EYS: variants seen among roughly 807,000 people sequenced by gnomAD.
EYS encodes the protein protein eyes shut homolog.
EYS carries 250 observed loss-of-function variants against 282.1 expected under a neutral mutation model. That is an observed-to-expected ratio of 0.89 (90% confidence interval 0.80 to 0.98). The LOEUF is 0.98. EYS is among the 50% of genes least tolerant of loss of function. The pLI is 0.00. For missense variants in EYS, 4,016 were observed against 3,709.0 expected (o/e 1.08, Z -2.15); for synonymous variants, 1,355 against 1,282.9 (o/e 1.06, Z -1.20).
chr6:65,318,967 AT>A (rs1769392992), intron 11 of EYS, among the ~76,000 whole-genome samples: 1 of 150,788 alleles, frequency 6.6e-6, no homozygotes, highest in East Asian at 1.9e-4. Context: ...TGTGAATTCT[AT>A]TTTTTTCTGA....
intron 36 of EYS, among the ~76,000 whole-genome samples, chr6:63,859,962 A>C (rs1772493784): frequency 6.6e-6 from 1 of 152,238 alleles, no homozygotes; most frequent in Admixed American, 6.5e-5. Context: ...CTGATGAAAT[A>C]AAACTAGCTG....
At chr6:64,347,938 GAAGATACACATTTTTGTATTAAAGATA>G (rs1215884141) in intron 29 of EYS, among the ~76,000 whole-genome samples, 1 of 151,206 alleles carries the variant, frequency 6.6e-6, no homozygotes, top group Non-Finnish European at 1.5e-5. Context: ...ACTCACTGAT[GAAGATACACATTTTTGTATTAAAGATA>G]AAGATACACA....
intron 33 of EYS, among the ~76,000 whole-genome samples, chr6:64,029,264 C>T (rs1215715426): frequency 6.6e-6 from 1 of 152,174 alleles, no homozygotes; most frequent in Non-Finnish European, 1.5e-5. Flanking sequence ...GTGGGACAAC[C>T]CCACAGCCAG....
chr6:64,335,945 C>T (rs1474778871), intron 29 of EYS, among the ~76,000 whole-genome samples: 1 of 152,036 alleles, frequency 6.6e-6, no homozygotes, highest in East Asian at 1.9e-4. Flanking sequence ...TTCATCACTA[C>T]CAAGCCACCA....
intron 12 of EYS, among the ~76,000 whole-genome samples, chr6:65,073,869 G>A (rs549426637): frequency 3.3e-5 from 5 of 151,924 alleles, no homozygotes; most frequent in African/African-American, 7.2e-5. Context: ...TTAAAAATGC[G>A]CACAACTAAA....
intron 31 of EYS, among the ~76,000 whole-genome samples, chr6:64,145,330 A>G (rs1774475672): frequency 6.6e-6 from 1 of 152,202 alleles, no homozygotes; most frequent in Admixed American, 6.5e-5. Context: ...AATGCATGGA[A>G]AGAAATGACT....
At chr6:64,535,191 C>G (rs748051014) in intron 26 of EYS, among the ~76,000 whole-genome samples, 2 of 152,112 alleles carry the variant, frequency 1.3e-5, no homozygotes, top group Non-Finnish European at 2.9e-5. Context: ...TGGGAATGTT[C>G]TTTGACCGAT....
At chr6:64,173,835 G>T (rs1764550844) in intron 31 of EYS, among the ~76,000 whole-genome samples, 2 of 151,776 alleles carry the variant, frequency 1.3e-5, no homozygotes, top group South Asian at 2.1e-4. Flanking sequence ...AACTACAATA[G>T]AATTTAAAAA....
At chr6:65,384,550 A>C in intron 7 of EYS, 50 bp from the exon 8 acceptor site, 1 of 915,214 alleles carries the variant, frequency 1.1e-6, no homozygotes, top group African/African-American at 1.7e-5. Context: ...AAATGTTTTC[A>C]GAAAAGCCTA....
chr6:64,044,906 T>A (rs57781772), intron 33 of EYS, among the ~76,000 whole-genome samples: 5,966 of 152,204 alleles, frequency 0.039, 370 homozygotes, highest in African/African-American at 0.13. Context: ...CTGAAAAATA[T>A]GAAATGCAGT....
chr6:65,507,608 G>A (rs1339443715), intron 2 of EYS, among the ~76,000 whole-genome samples: 1 of 151,888 alleles, frequency 6.6e-6, no homozygotes, highest in Non-Finnish European at 1.5e-5. Flanking sequence ...TAGATACTCT[G>A]CTGTGATTTT....
At chr6:64,028,886 C>T (rs980000420) in intron 33 of EYS, among the ~76,000 whole-genome samples, 5 of 152,192 alleles carry the variant, frequency 3.3e-5, no homozygotes, top group Admixed American at 6.5e-5. Context: ...TACAGCATGT[C>T]AAATATCTAG....
intron 19 of EYS, among the ~76,000 whole-genome samples, chr6:64,870,376 A>G (rs1411319440): frequency 6.6e-6 from 1 of 151,422 alleles, no homozygotes; most frequent in Non-Finnish European, 1.5e-5. Context: ...AGCTTACAAC[A>G]ATTAAAAAAC....
In EYS at chr6:64,382,955, G is replaced by C. The variant is rs1211531001; in HGVS notation, c.6078+5735C>G. Among the ~76,000 whole-genome samples the C allele has an allele frequency of 5.9e-5, 9 of 152,118 alleles. 1 individual carries two copies. In the South Asian group the frequency reaches 1.9e-3, roughly 32 times the overall value. On this transcript the variant is annotated intron_variant, in intron 29 of 42. Coordinates refer to ENST00000503581, the MANE Select transcript of EYS (RefSeq NM_001142800.2). ...GAGCCAGTTTCTGCTGCTCCAGGGA[G>C]TGGAGTCCAATCCATGGTGTATTGT...
chr6:63,910,553 A>G (rs973360601), intron 35 of EYS, among the ~76,000 whole-genome samples: 9 of 152,198 alleles, frequency 5.9e-5, no homozygotes, highest in African/African-American at 1.9e-4. Flanking sequence ...TCAATGCTGT[A>G]ATGCCGGTTT....
intron 24 of EYS, among the ~76,000 whole-genome samples, chr6:64,605,186 G>A (rs116610166): frequency 0.024 from 3,675 of 150,928 alleles, 62 homozygotes; most frequent in Non-Finnish European, 0.038. Flanking sequence ...GGATTTTCTC[G>A]ACTTTTCACA....
intron 2 of EYS, among the ~76,000 whole-genome samples, chr6:65,520,028 C>T (rs1002550556): frequency 6.6e-6 from 1 of 151,464 alleles, no homozygotes; most frequent in African/African-American, 2.4e-5. Context: ...TAGATTCACC[C>T]TTTAAGTTTA....
At chr6:65,289,863 G>A (rs1338162796) in intron 12 of EYS, among the ~76,000 whole-genome samples, 1 of 150,902 alleles carries the variant, frequency 6.6e-6, no homozygotes, top group Non-Finnish European at 1.5e-5. Context: ...AAAATTAAGA[G>A]CAAAAATATA....
chr6:65,250,642 A>T (rs1767295999), intron 12 of EYS, among the ~76,000 whole-genome samples: 1 of 152,010 alleles, frequency 6.6e-6, no homozygotes, highest in African/African-American at 2.4e-5. Context: ...TGGCCTCAAA[A>T]AACATTCTCA....
Sources: allele counts gnomAD v4.1 joint callset (sites outside exome capture counted in the v4.1 genomes callset), GRCh38; gene constraint gnomAD v4.1.1; transcripts MANE v1.5; gene names NCBI Gene and HGNC (gene_info 2026-07-23, HGNC 2026-07-21).